The following DOCK3 variants were observed in gnomAD, a reference collection of about 807,000 sequenced individuals.
DOCK3 encodes the protein dedicator of cytokinesis protein 3.
A neutral mutation model predicts 265.6 loss-of-function variants in DOCK3; 60 were observed. That is an observed-to-expected ratio of 0.23 (90% CI 0.18 to 0.28). DOCK3 has a LOEUF of 0.28. Ranked by LOEUF, DOCK3 falls within the 10% of genes least tolerant of loss-of-function variation. The probability of loss-of-function intolerance (pLI) is 1.00; values close to 1 mark genes in which losing one functional copy is unlikely to be tolerated. For synonymous variants in DOCK3, 881 were observed against 938.0 expected, an observed-to-expected ratio of 0.94 and a Z score of 1.11; for missense variants, 1,981 against 2,594.3, an observed-to-expected ratio of 0.76 and a Z score of 5.14.
chr3:51,091,362 G>A (rs530960108), intron 9 of DOCK3, among the ~76,000 whole-genome samples: 1 of 152,094 alleles, frequency 6.6e-6, no homozygotes, highest in Non-Finnish European at 1.5e-5. Flanking sequence ...TTATGAAAAA[G>A]TCCAATATAT....
chr3:51,238,120 T>C (rs866012231), intron 21 of DOCK3, among the ~76,000 whole-genome samples: 253 of 3,156 alleles, frequency 0.08, 3 homozygotes, highest in African/African-American at 0.24. Context: ...TATTTACCAC[T>C]TTTTTTTTTT....
chr3:51,149,522 C>G (rs1277980142), intron 10 of DOCK3, among the ~76,000 whole-genome samples: 1 of 152,138 alleles, frequency 6.6e-6, no homozygotes, highest in African/African-American at 2.4e-5. Context: ...CCATCAATAC[C>G]TAGTTTATTG....
chr3:51,252,120 T>A (rs981590635), intron 22 of DOCK3, among the ~76,000 whole-genome samples: 4 of 152,216 alleles, frequency 2.6e-5, no homozygotes, highest in African/African-American at 9.6e-5. Context: ...AAATAGGGAA[T>A]CCTTTCCCCA....
At chr3:51,045,257 C>T (rs2080723983) in intron 5 of DOCK3, among the ~76,000 whole-genome samples, 1 of 152,014 alleles carries the variant, frequency 6.6e-6, no homozygotes. Flanking sequence ...TATTTTGTCT[C>T]AGAGAATAGG....
intron 4 of DOCK3, among the ~76,000 whole-genome samples, chr3:50,894,190 G>A (rs1394968294): frequency 6.6e-6 from 1 of 151,984 alleles, no homozygotes; most frequent in Non-Finnish European, 1.5e-5. Flanking sequence ...ATTGTCAAAA[G>A]TCAAAGAGAA....
chr3:50,988,730 G>C (rs2077995068), intron 5 of DOCK3, among the ~76,000 whole-genome samples: 2 of 152,110 alleles, frequency 1.3e-5, no homozygotes. Context: ...AAAATCCAAA[G>C]TGACTAGGGA....
intron 9 of DOCK3, among the ~76,000 whole-genome samples, chr3:51,106,135 C>G (rs939533622): frequency 6.6e-6 from 1 of 152,192 alleles, no homozygotes; most frequent in African/African-American, 2.4e-5. Flanking sequence ...GAGACTTTAG[C>G]CCCTAGAGGA....
intron 9 of DOCK3, among the ~76,000 whole-genome samples, chr3:51,132,034 C>T (rs2084578792): frequency 1.3e-5 from 2 of 152,192 alleles, no homozygotes; most frequent in Admixed American, 1.3e-4. Context: ...TCCACCATCC[C>T]AATCTCCCTA....
At chr3:51,285,794 G>C (rs543810608) in intron 27 of DOCK3, among the ~76,000 whole-genome samples, 1 of 151,982 alleles carries the variant, frequency 6.6e-6, no homozygotes, top group Non-Finnish European at 1.5e-5. Context: ...AATTAGCTGG[G>C]TGTGGTGGCG....
intron 7 of DOCK3, among the ~76,000 whole-genome samples, chr3:51,084,493 C>T (rs1260571404): frequency 6.6e-6 from 1 of 151,976 alleles, no homozygotes; most frequent in Non-Finnish European, 1.5e-5. Flanking sequence ...GAATACTATA[C>T]CCAACAAAGC....
chr3:50,828,239 A>G (rs946736952), intron 2 of DOCK3, among the ~76,000 whole-genome samples: 2 of 150,758 alleles, frequency 1.3e-5, no homozygotes, highest in African/African-American at 2.4e-5. Flanking sequence ...GAAAACATGC[A>G]CTCTTATTAG....
intron 5 of DOCK3, among the ~76,000 whole-genome samples, chr3:50,936,232 G>T (rs2051352641): frequency 6.6e-6 from 1 of 151,818 alleles, no homozygotes; most frequent in African/African-American, 2.4e-5. Context: ...TTTGAAGATA[G>T]CTCACTAGAA....
chr3:50,972,052 T>C (rs1240991178), intron 5 of DOCK3, among the ~76,000 whole-genome samples: 1 of 152,244 alleles, frequency 6.6e-6, no homozygotes, highest in Non-Finnish European at 1.5e-5. Flanking sequence ...CAGGCTGCAG[T>C]GTAGCCAAGA....
intron 9 of DOCK3, among the ~76,000 whole-genome samples, chr3:51,119,415 A>C (rs889470473): frequency 6.6e-6 from 1 of 151,876 alleles, no homozygotes; most frequent in Non-Finnish European, 1.5e-5. Flanking sequence ...CTTCATTTCA[A>C]CCTTGGTGAA....
At chr3:50,840,664 C>T (rs901041198) in intron 2 of DOCK3, among the ~76,000 whole-genome samples, 4 of 152,194 alleles carry the variant, frequency 2.6e-5, no homozygotes, top group Non-Finnish European at 5.9e-5. Context: ...GAGACTTACT[C>T]TGCCACACCT....
intron 5 of DOCK3, among the ~76,000 whole-genome samples, chr3:50,968,738 C>T (rs890623572): frequency 6.6e-6 from 1 of 151,956 alleles, no homozygotes; most frequent in South Asian, 2.1e-4. Flanking sequence ...TTAGTAGAGA[C>T]GGGGTTTCAC....
chr3:50,858,561 T>C (rs2046740245), intron 3 of DOCK3, among the ~76,000 whole-genome samples: 1 of 152,040 alleles, frequency 6.6e-6, no homozygotes, highest in Admixed American at 6.6e-5. Context: ...ACCTGCACTT[T>C]CTCTTTATCT....
At chr3:51,278,984 C>T (rs904404363) in intron 26 of DOCK3, among the ~76,000 whole-genome samples, 1 of 152,146 alleles carries the variant, frequency 6.6e-6, no homozygotes, top group Non-Finnish European at 1.5e-5. Flanking sequence ...CGTGATGGCT[C>T]ATGCCTGTAA....
chr3:50,782,799 C>T (rs2041990380), intron 2 of DOCK3, among the ~76,000 whole-genome samples: 1 of 151,880 alleles, frequency 6.6e-6, no homozygotes, highest in Non-Finnish European at 1.5e-5. Context: ...CCACCCTTCC[C>T]CCCACCGAGT....
Sources: gnomAD v4.1 joint callset for allele counts (sites outside exome capture counted in the v4.1 genomes callset) on GRCh38, gnomAD v4.1.1 for gene constraint, MANE v1.5 for transcripts, NCBI Gene and HGNC (gene_info 2026-07-23, HGNC 2026-07-21) for gene names.